Variants in WWOX observed in about 807,000 individuals in gnomAD.
WWOX encodes the protein WW domain-containing oxidoreductase.
In WWOX, 69 loss-of-function variants were observed where a neutral mutation model predicts 46.2. The ratio of observed to expected loss-of-function variants is 1.49; its 90% CI spans 1.23 to 1.82. The LOEUF is 1.82. Ranked by LOEUF, WWOX falls within the 40% of genes most tolerant of loss-of-function variation. WWOX has a pLI of 0.00. For synonymous variants in WWOX, 359 were observed against 202.6 expected, an observed-to-expected ratio of 1.77 and a Z score of -6.56; for missense variants, 919 against 542.6, an observed-to-expected ratio of 1.69 and a Z score of -6.89.
chr16:78,843,097 T>G (rs1198457577), intron 8 of WWOX, among the ~76,000 whole-genome samples: 3 of 149,506 alleles, frequency 2.0e-5, no homozygotes, highest in Non-Finnish European at 3.0e-5. Context: ...TCTTGTTAAT[T>G]TTTTTTTGGC....
chr16:78,560,649 A>C (rs2044413424), intron 8 of WWOX, among the ~76,000 whole-genome samples: 1 of 152,144 alleles, frequency 6.6e-6, no homozygotes, highest in South Asian at 2.1e-4. Flanking sequence ...TGTCTCAAAA[A>C]AATTAATGAT....
chr16:79,189,150 T>C (rs917925709), intron 8 of WWOX, among the ~76,000 whole-genome samples: 10 of 152,212 alleles, frequency 6.6e-5, no homozygotes, highest in Non-Finnish European at 1.3e-4. Flanking sequence ...GACATTGGAC[T>C]TTCTGTTTCC....
intron 8 of WWOX, among the ~76,000 whole-genome samples, chr16:79,096,580 A>G (rs1049864374): frequency 9.2e-5 from 14 of 152,006 alleles, no homozygotes; most frequent in African/African-American, 3.1e-4. Context: ...TAAAACAGCA[A>G]TCTTCCTTCT....
chr16:78,519,733 A>C (rs1567618863), intron 8 of WWOX, among the ~76,000 whole-genome samples: 1 of 152,012 alleles, frequency 6.6e-6, no homozygotes, highest in Non-Finnish European at 1.5e-5. Context: ...ACCGTTATCC[A>C]TTTTACCATG....
chr16:78,746,520 A>G (rs2049350713), intron 8 of WWOX, among the ~76,000 whole-genome samples: 1 of 152,074 alleles, frequency 6.6e-6, no homozygotes, highest in South Asian at 2.1e-4. Context: ...AATACTAGAT[A>G]TCAGCACCCT....
At chr16:78,615,576 G>A (rs2046002761) in intron 8 of WWOX, among the ~76,000 whole-genome samples, 1 of 151,890 alleles carries the variant, frequency 6.6e-6, no homozygotes. Context: ...AGAATCCCCT[G>A]AGCCCAGGAG....
chr16:78,933,969 A>G (rs967745930), intron 8 of WWOX, among the ~76,000 whole-genome samples: 3 of 152,052 alleles, frequency 2.0e-5, no homozygotes, highest in African/African-American at 7.2e-5. Context: ...AGGTGGGAGA[A>G]TTACTTGAGG....
At chr16:78,151,204 C>G (rs2034394660) in intron 4 of WWOX, among the ~76,000 whole-genome samples, 1 of 152,068 alleles carries the variant, frequency 6.6e-6, no homozygotes, top group Non-Finnish European at 1.5e-5. Flanking sequence ...GAGCTCTGTG[C>G]CAGGAACCTG....
intron 8 of WWOX, among the ~76,000 whole-genome samples, chr16:78,679,741 CATG>C (rs1171475039): frequency 2.6e-5 from 4 of 152,168 alleles, no homozygotes; most frequent in Non-Finnish European, 4.4e-5. Flanking sequence ...CATTTAATAA[CATG>C]AGAATAATGT....
intron 8 of WWOX, among the ~76,000 whole-genome samples, chr16:79,150,237 A>C (rs7190400): frequency 0.36 from 55,073 of 152,028 alleles, 10,721 homozygotes; most frequent in East Asian, 0.52. Flanking sequence ...GAACTGTCAA[A>C]GAGCAGCACT....
chr16:78,961,405 T>C (rs1365367116), intron 8 of WWOX, among the ~76,000 whole-genome samples: 1 of 152,148 alleles, frequency 6.6e-6, no homozygotes, highest in Non-Finnish European at 1.5e-5. Context: ...GGCACAAAGA[T>C]AACACTCAGC....
At chr16:78,793,232 A>G (rs1210683531) in intron 8 of WWOX, among the ~76,000 whole-genome samples, 3 of 151,924 alleles carry the variant, frequency 2.0e-5, no homozygotes, top group Admixed American at 2.0e-4. Context: ...GCTAATTTTT[A>G]TATTTTTTTG....
At chr16:79,088,714 A>G (rs913313477) in intron 8 of WWOX, among the ~76,000 whole-genome samples, 1 of 152,136 alleles carries the variant, frequency 6.6e-6, no homozygotes, top group Non-Finnish European at 1.5e-5. Context: ...CATATTGAGA[A>G]CCGCATAATA....
At chr16:78,627,860 A>G (rs2046345166) in intron 8 of WWOX, among the ~76,000 whole-genome samples, 1 of 152,168 alleles carries the variant, frequency 6.6e-6, no homozygotes, top group Non-Finnish European at 1.5e-5. Context: ...GTCAACATCA[A>G]ATGTCTGGAT....
At chr16:79,191,859 T>C (rs1409374071) in intron 8 of WWOX, among the ~76,000 whole-genome samples, 1 of 152,152 alleles carries the variant, frequency 6.6e-6, no homozygotes, top group African/African-American at 2.4e-5. Context: ...CAATGGAGAA[T>C]TACTTATGCG....
chr16:78,627,842 C>A (rs1367347983), intron 8 of WWOX, among the ~76,000 whole-genome samples: 1 of 152,226 alleles, frequency 6.6e-6, no homozygotes, highest in Non-Finnish European at 1.5e-5. Context: ...CCGACTTAGA[C>A]AGTGTTAGTC....
At chr16:79,018,976 C>T (rs1015199236) in intron 8 of WWOX, among the ~76,000 whole-genome samples, 1 of 151,452 alleles carries the variant, frequency 6.6e-6, no homozygotes, top group Non-Finnish European at 1.5e-5. Context: ...CATGGCAAAA[C>T]CCCATCTCTA....
intron 8 of WWOX, among the ~76,000 whole-genome samples, chr16:79,178,023 A>G (rs1017447553): frequency 6.6e-6 from 1 of 152,134 alleles, no homozygotes; most frequent in African/African-American, 2.4e-5. Flanking sequence ...GTGGGAGGGG[A>G]TAAAGCAGCT....
intron 8 of WWOX, among the ~76,000 whole-genome samples, chr16:79,064,036 C>T (rs1334897813): frequency 6.6e-6 from 1 of 152,200 alleles, no homozygotes; most frequent in Non-Finnish European, 1.5e-5. Flanking sequence ...ATTTTAGAAG[C>T]CTCAGAAGTG....
Sources: allele counts gnomAD v4.1 joint callset (sites outside exome capture counted in the v4.1 genomes callset), GRCh38; gene constraint gnomAD v4.1.1; transcripts MANE v1.5; gene names NCBI Gene and HGNC (gene_info 2026-07-23, HGNC 2026-07-21).